Variants in TEX36 observed in about 807,000 individuals in gnomAD.
TEX36 encodes the protein testis expressed 36, also known as testis-expressed protein 36.
Under a neutral mutation model 13.6 loss-of-function variants are expected in TEX36, and 12 were observed. That is an observed-to-expected ratio of 0.88 (90% CI 0.56 to 1.43). The LOEUF (loss-of-function observed/expected upper bound fraction) is 1.43. Ranked by LOEUF, TEX36 falls within the 40% of genes most tolerant of loss-of-function variation. TEX36 has a pLI of 0.00. For missense variants in TEX36, 224 were observed against 228.3 expected (o/e 0.98, Z 0.12); for synonymous variants, 93 against 83.0 (o/e 1.12, Z -0.65).
chr10:125,682,563 T>C (rs552698295), intron 1 of TEX36, among the ~76,000 whole-genome samples: 2 of 152,154 alleles, frequency 1.3e-5, no homozygotes, highest in East Asian at 3.9e-4. Context: ...GTGAATAAAA[T>C]AGACAAAAAT....
intron 1 of TEX36, 64 bp from the exon 2 acceptor site, chr10:125,662,041 G>A (rs1332620101): frequency 1.9e-6 from 3 of 1,548,074 alleles, no homozygotes; most frequent in East Asian, 2.4e-5. Flanking sequence ...CCAAGTATCA[G>A]GGCTTCCTTT....
chr10:125,628,896 T>A (rs1262671456), intron 3 of TEX36, among the ~76,000 whole-genome samples: 1 of 152,194 alleles, frequency 6.6e-6, no homozygotes, highest in Non-Finnish European at 1.5e-5. Context: ...TGATGACGCA[T>A]GTGCCGGGCA....
At chr10:125,601,752 C>A (rs1846150201) in intron 3 of TEX36, among the ~76,000 whole-genome samples, 1 of 152,156 alleles carries the variant, frequency 6.6e-6, no homozygotes. Context: ...TGAGTTGTGA[C>A]CCTGGGACGA....
intron 1 of TEX36, among the ~76,000 whole-genome samples, chr10:125,670,121 T>C (rs1847199715): frequency 6.6e-6 from 1 of 152,260 alleles, no homozygotes; most frequent in African/African-American, 2.4e-5. Flanking sequence ...AGTAACAGTA[T>C]TGCTGGATCA....
chr10:125,592,251 TG>T (rs1389663918), intron 3 of TEX36, among the ~76,000 whole-genome samples: 1 of 152,128 alleles, frequency 6.6e-6, no homozygotes, highest in African/African-American at 2.4e-5. Flanking sequence ...AAAGCGAGGC[TG>T]GGGGTGGCAA....
intron 3 of TEX36, among the ~76,000 whole-genome samples, chr10:125,612,991 A>G (rs1846308904): frequency 6.6e-6 from 1 of 152,020 alleles, no homozygotes; most frequent in Admixed American, 6.6e-5. Context: ...CCCCACCAAA[A>G]GCCTGCTCTG....
chr10:125,670,846 C>A (rs2133606545), intron 1 of TEX36, among the ~76,000 whole-genome samples: 1 of 152,088 alleles, frequency 6.6e-6, no homozygotes, highest in South Asian at 2.1e-4. Flanking sequence ...ATAGGGAATC[C>A]TTTTCCCATT....
downstream of TEX36, among the ~76,000 whole-genome samples, chr10:125,617,352 T>C (rs1372709301): frequency 6.6e-6 from 1 of 152,240 alleles, no homozygotes; most frequent in Non-Finnish European, 1.5e-5. Flanking sequence ...GTTATTTTGC[T>C]CGTCTGTTGA....
chr10:125,600,679 A>T (rs117722735), intron 3 of TEX36, among the ~76,000 whole-genome samples: 3,106 of 152,286 alleles, frequency 0.02, 49 homozygotes, highest in Middle Eastern at 0.048. Context: ...CCCTCTATGC[A>T]ATGGCCTTTG....
At chr10:125,611,696 C>T (rs297227) in intron 3 of TEX36, among the ~76,000 whole-genome samples, 35,605 of 150,726 alleles carry the variant, frequency 0.24, 4,462 homozygotes, top group African/African-American at 0.32. Flanking sequence ...GTTTTTTTTT[C>T]AATGAGCAGA....
intron 3 of TEX36, among the ~76,000 whole-genome samples, chr10:125,595,813 C>T (rs1032660183): frequency 6.6e-6 from 1 of 152,184 alleles, no homozygotes; most frequent in African/African-American, 2.4e-5. Context: ...GTTTACTTCT[C>T]TGCCTAGTAC....
downstream of TEX36, among the ~76,000 whole-genome samples, chr10:125,651,269 C>T (rs1475213941): frequency 6.6e-6 from 1 of 152,156 alleles, no homozygotes; most frequent in Admixed American, 6.6e-5. Flanking sequence ...CAAACCTAAA[C>T]CAGCAGCACA....
At position 125,682,985 on chromosome 10, in the gene TEX36, G is replaced by C. The variant is rs749199694; in HGVS notation, c.5C>G (p.Thr2Ser). 1 of 1,551,710 alleles carries C rather than the reference G, an allele frequency of 6.4e-7. No homozygotes were observed. The highest frequency in any genetic ancestry group is 2.0e-5 in the Admixed American group (1 of 51,006). Residue 2 changes from threonine (T) to serine (S), a missense_variant, in exon 1 of 4, where the codon ACC (threonine) becomes AGC (serine). Physicochemically the swap from Thr to Ser is moderately conservative, Grantham distance 58. Transcript: ENST00000368821. M[T>S]KGRRFNPPSD... is the part of the protein sequence containing the mutation. ...AGGTGGGTTGAAGCGTCGCCCTTTG[G>C]TCATTCTCTCCAGGAAGCTGAATGT...
At chr10:125,630,514 C>T (rs1241190587) in intron 3 of TEX36, among the ~76,000 whole-genome samples, 1 of 152,108 alleles carries the variant, frequency 6.6e-6, no homozygotes, top group African/African-American at 2.4e-5. Flanking sequence ...AAGCTCTATT[C>T]GTTTTTATGA....
chr10:125,601,100 A>G (rs1215422377), intron 3 of TEX36, among the ~76,000 whole-genome samples: 16 of 152,236 alleles, frequency 1.1e-4, no homozygotes, highest in Admixed American at 1.0e-3. Flanking sequence ...AAAATTAAAC[A>G]TGTTTGTGAA....
At chr10:125,675,400 C>T (rs1438870104) in intron 1 of TEX36, among the ~76,000 whole-genome samples, 3 of 151,384 alleles carry the variant, frequency 2.0e-5, no homozygotes, top group African/African-American at 7.3e-5. Context: ...TCGTCTTAGG[C>T]AGCAGGCACC....
At chr10:125,660,902 G>T in intron 3 of TEX36, 119 bp downstream of exon 3, 4 of 843,862 alleles carry the variant, frequency 4.7e-6, no homozygotes, top group Non-Finnish European at 3.9e-6. Context: ...TTAAGACCTC[G>T]CTTTGTTTTG....
downstream of TEX36, among the ~76,000 whole-genome samples, chr10:125,618,536 G>A (rs989146000): frequency 1.6e-4 from 24 of 152,050 alleles, no homozygotes; most frequent in African/African-American, 4.1e-4. Context: ...GTCTGTTGGA[G>A]TACCCGGCTG....
At chr10:125,669,116 C>T (rs1847175651) in intron 1 of TEX36, among the ~76,000 whole-genome samples, 1 of 152,058 alleles carries the variant, frequency 6.6e-6, no homozygotes, top group African/African-American at 2.4e-5. Flanking sequence ...CATGGTGAAA[C>T]CCTGTCTCTA....
Sources: allele counts gnomAD v4.1 joint callset (sites outside exome capture counted in the v4.1 genomes callset), GRCh38; gene constraint gnomAD v4.1.1; transcripts MANE v1.5; gene names NCBI Gene and HGNC (gene_info 2026-07-23, HGNC 2026-07-21).